The following PTPRN2 variants were observed in gnomAD, a reference collection of about 807,000 sequenced individuals.
PTPRN2 encodes protein tyrosine phosphatase receptor type N2, also known as receptor-type tyrosine-protein phosphatase N2.
In PTPRN2, 74 loss-of-function variants were observed where a neutral mutation model predicts 118.8. That is an observed-to-expected ratio of 0.62 (90% CI 0.52 to 0.76). The LOEUF is 0.76. Among genes scored for constraint, PTPRN2 ranks in the 30% least tolerant of loss-of-function variants. PTPRN2 has a pLI of 0.00. For synonymous variants in PTPRN2, 641 were observed against 608.0 expected, an observed-to-expected ratio of 1.05 and a Z score of -0.80; for missense variants, 1,481 against 1,394.4, an observed-to-expected ratio of 1.06 and a Z score of -0.99.
In PTPRN2 at chr7:157,982,032, T is replaced by TC. The variant is rs368240394; in HGVS notation, c.1724-83296dup. Among the ~76,000 whole-genome samples the TC allele has an allele frequency of 6.3e-5, 8 of 126,462 alleles. No individual in the cohort carries two copies. The South Asian group carries it at 1.1e-3, about 17-fold the overall frequency. The allele number at this position is 126,462 out of a possible 152,430, so 83.0% of individuals were successfully genotyped here. ...AGGAGGGGAATGCAGAGTGTGGGGTTCCCCCCCAAACCCCAAATCATAGAG... is the reference window on the plus strand; with the variant it reads ...AGGAGGGGAATGCAGAGTGTGGGGTTCCCCCCCCAAACCCCAAATCATAGAG... On this transcript the variant is annotated intron_variant, in intron 11 of 22. Transcript: ENST00000389418.
intron 11 of PTPRN2, 105 bp downstream of exon 11, chr7:158,081,193 T>C: frequency 1.7e-6 from 2 of 1,151,134 alleles, no homozygotes; most frequent in East Asian, 2.4e-5. Flanking sequence ...CCCATGTGGG[T>C]AGTGTGAGTC....
chr7:158,197,916 A>G (rs10275911), intron 4 of PTPRN2, among the ~76,000 whole-genome samples: 33,571 of 152,122 alleles, frequency 0.22, 4,308 homozygotes, highest in African/African-American at 0.34. Flanking sequence ...TTGGGTGGGG[A>G]CACAGCCAAA....
chr7:157,847,114 G>T (rs1175041951), intron 12 of PTPRN2, among the ~76,000 whole-genome samples: 11 of 141,464 alleles, frequency 7.8e-5, no homozygotes, highest in Non-Finnish European at 1.2e-4. Flanking sequence ...CATCATGTGT[G>T]CCCGATGTCT....
rs974430760 is a variant in PTPRN2 at position 157,609,837 on chromosome 7, C to T, written c.2345-5762G>A. ...CCCCGTGGTGGCAGAACATATGGAGCGATTTTTCATAGATGCCAACAGAAG... is the reference window on the plus strand; with the variant it reads ...CCCCGTGGTGGCAGAACATATGGAGTGATTTTTCATAGATGCCAACAGAAG... On this transcript the variant is annotated intron_variant, in intron 15 of 22. Transcript: ENST00000389418. The surrounding 1 kb of genome is among the most constrained non-coding windows in gnomAD (Gnocchi z 4.9). Among the ~76,000 whole-genome samples, 9 of 152,138 alleles carry T rather than the reference C, an allele frequency of 5.9e-5. No homozygotes were observed. The highest frequency in any genetic ancestry group is 4.1e-4 in the South Asian group (2 of 4,834).
intron 2 of PTPRN2, among the ~76,000 whole-genome samples, chr7:158,331,600 C>A (rs1358119311): frequency 7.1e-6 from 1 of 140,564 alleles, no homozygotes; most frequent in Non-Finnish European, 1.5e-5. Flanking sequence ...GAGCTGAGGA[C>A]CACAGAGGTC....
chr7:157,744,289 C>CCCAGACATCGAAGGA (rs1323518204), intron 12 of PTPRN2, among the ~76,000 whole-genome samples: 1 of 152,090 alleles, frequency 6.6e-6, no homozygotes, highest in African/African-American at 2.4e-5. Flanking sequence ...CAGCAGCTCT[C>CCCAGACATCGAAGGA]CCAGACATCG....
chr7:157,777,977 CAAA>C (rs5888729), intron 12 of PTPRN2, among the ~76,000 whole-genome samples: 87 of 109,614 alleles, frequency 7.9e-4, no homozygotes, highest in South Asian at 2.6e-3. Flanking sequence ...TACACCACAG[CAAA>C]AAAAAAAAAA....
chr7:157,734,214 GCA>G (rs1036972416), intron 12 of PTPRN2, among the ~76,000 whole-genome samples: 2 of 146,468 alleles, frequency 1.4e-5, no homozygotes, highest in African/African-American at 5.2e-5. Context: ...CATGCGCCCA[GCA>G]CAGTTACTCT....
At chr7:158,050,501 G>T (rs1247372292) in intron 11 of PTPRN2, among the ~76,000 whole-genome samples, 4 of 152,126 alleles carry the variant, frequency 2.6e-5, no homozygotes, top group Non-Finnish European at 5.9e-5. Flanking sequence ...GAAGTCTTTC[G>T]GGCATCCAGA....
At chr7:157,730,760 C>CT (rs1042223246) in intron 12 of PTPRN2, among the ~76,000 whole-genome samples, 7 of 152,310 alleles carry the variant, frequency 4.6e-5, no homozygotes, top group African/African-American at 1.7e-4. Flanking sequence ...CACTTCCCCG[C>CT]TACAGAGGCG....
chr7:158,222,799 C>G (rs542136031), intron 3 of PTPRN2, among the ~76,000 whole-genome samples: 2 of 151,486 alleles, frequency 1.3e-5, no homozygotes, highest in South Asian at 4.2e-4. Flanking sequence ...ACAATAAACC[C>G]AAATAAAGTA....
rs221280 is a variant in PTPRN2 at position 157,557,482 on chromosome 7, T to C, written c.2903-8463A>G. Among the ~76,000 whole-genome samples the C allele has an allele frequency of 9.3e-3, 1,387 of 148,828 alleles. 15 individuals carry two copies. The highest frequency in any genetic ancestry group is 0.02 in the Middle Eastern group (5 of 250). On this transcript the variant is annotated intron_variant, in intron 21 of 22. Transcript: ENST00000389418. Reference sequence around the variant, plus strand: ...TACACCACACACATGCACACACCTATGTGCATGCACACACAGGTACACACG... The same window carrying C: ...TACACCACACACATGCACACACCTACGTGCATGCACACACAGGTACACACG...
intron 12 of PTPRN2, among the ~76,000 whole-genome samples, chr7:157,799,621 G>C (rs1425383811): frequency 6.6e-6 from 1 of 152,126 alleles, no homozygotes; most frequent in South Asian, 2.1e-4. Flanking sequence ...CTCAGGCCCA[G>C]TGTTCTGAGC....
chr7:158,493,273 A>G (rs547957741), intron 1 of PTPRN2, among the ~76,000 whole-genome samples: 1 of 152,386 alleles, frequency 6.6e-6, no homozygotes, highest in Admixed American at 6.5e-5. Flanking sequence ...GCACACATAT[A>G]CATACACACA....
At chr7:157,574,081 G>C (rs565431928) in intron 19 of PTPRN2, among the ~76,000 whole-genome samples, 4 of 152,322 alleles carry the variant, frequency 2.6e-5, no homozygotes, top group Admixed American at 1.3e-4. Flanking sequence ...GAGTTATTCA[G>C]GAAGGTGACA....
intron 2 of PTPRN2, among the ~76,000 whole-genome samples, chr7:158,325,779 G>C (rs923251729): frequency 2.0e-5 from 3 of 152,260 alleles, no homozygotes; most frequent in African/African-American, 7.2e-5. Flanking sequence ...TCCAGGGCTG[G>C]GCAGGGACTG....
Position 158,089,795 on chromosome 7 carries a change from T to C in PTPRN2, c.1644-8418A>G, listed in dbSNP as rs71543634. The stretch of plus-strand genomic sequence containing the variant: ...AGGGGAATGTTCACACAAATCCTTC[T>C]TCCCCTGACGAAAGAGGGAGTCTTC... On this transcript the variant is annotated intron_variant, in intron 10 of 22. Transcript: ENST00000389418. Among the ~76,000 whole-genome samples the C allele has an allele frequency of 1.7e-3, 209 of 119,756 alleles. 36 individuals carry two copies. In the East Asian group the frequency reaches 0.041, roughly 24 times the overall value. 78.6% of individuals were successfully genotyped at this position (119,756 alleles called of 152,430 possible). A position where few individuals can be genotyped will look rare whatever the true frequency, so the allele number is the denominator to read the frequency against.
rs546921442 is a variant in PTPRN2, at chr7:157,658,237, A to G, written c.2002-1686T>C. Among the ~76,000 whole-genome samples the G allele has an allele frequency of 2.6e-5, 4 of 152,250 alleles. No homozygotes were observed. The East Asian group carries it at 5.8e-4, about 22-fold the overall frequency. ...CTGAGATACAGAAACTGGTACCACA[A>G]TCAAAGAGTCTGCAGAAAAAAGAAG... On this transcript the variant is annotated intron_variant, in intron 13 of 22. Coordinates refer to ENST00000389418, the MANE Select transcript of PTPRN2 (RefSeq NM_002847.5).
chr7:158,326,983 A>G (rs1328616032), intron 2 of PTPRN2, among the ~76,000 whole-genome samples: 1 of 151,344 alleles, frequency 6.6e-6, no homozygotes, highest in Non-Finnish European at 1.5e-5. Flanking sequence ...ACATGCACAT[A>G]CACATTCTCA....
Sources: allele counts gnomAD v4.1 joint callset (sites outside exome capture counted in the v4.1 genomes callset), GRCh38; gene constraint gnomAD v4.1.1; non-coding constraint Gnocchi (gnomAD v3.1); transcripts MANE v1.5; gene names NCBI Gene and HGNC (gene_info 2026-07-23, HGNC 2026-07-21).